Variants in MAP4K3 observed in about 807,000 individuals in gnomAD.
The protein encoded by MAP4K3 is mitogen-activated protein kinase kinase kinase kinase 3.
Under a neutral mutation model 143.5 loss-of-function variants are expected in MAP4K3, and 94 were observed. The ratio of observed to expected loss-of-function variants is 0.65; its 90% CI spans 0.55 to 0.78. MAP4K3 has a LOEUF of 0.78. Ranked by LOEUF, MAP4K3 falls within the 30% of genes least tolerant of loss-of-function variation. The pLI, the probability that MAP4K3 is intolerant of heterozygous loss-of-function variation, is 0.00. For missense variants in MAP4K3, 1,077 were observed against 1,068.1 expected, an observed-to-expected ratio of 1.01 and a Z score of -0.12; for synonymous variants, 416 against 347.2, an observed-to-expected ratio of 1.20 and a Z score of -2.20.
chr2:39,432,822 T>G (rs1044281180), intron 1 of MAP4K3, among the ~76,000 whole-genome samples: 1 of 152,190 alleles, frequency 6.6e-6, no homozygotes, highest in African/African-American at 2.4e-5. Context: ...ACTTTAAATC[T>G]ATTTACACAG....
At chr2:39,330,586 C>A (rs1354893992) in intron 8 of MAP4K3, among the ~76,000 whole-genome samples, 1 of 152,052 alleles carries the variant, frequency 6.6e-6, no homozygotes, top group Non-Finnish European at 1.5e-5. Flanking sequence ...ATTCAACAGT[C>A]CAGGCTGGAA....
rs1243769402 is a variant in MAP4K3, at chr2:39,258,272, C to G, written c.2470+76G>C. 3.0e-6 allele frequency: 3 copies of G among 985,408 alleles called. No individual in the cohort carries two copies. The East Asian group carries it at 7.8e-5, about 26-fold the overall frequency. 61.0% of individuals were successfully genotyped at this position (985,408 alleles called of 1,614,324 possible). ...AAAAAAGAATCTTAATAATATCAAT[C>G]TTTAATTTTGGATAATTAGCAGATA... is the stretch of plus-strand genomic sequence containing the variant. On this transcript the variant is annotated intron_variant, in intron 31 of 33. Coordinates refer to ENST00000263881, the MANE Select transcript of MAP4K3 (RefSeq NM_003618.4).
chr2:39,337,423 C>A, intron 5 of MAP4K3, 103 bp downstream of exon 5: 1 of 746,080 alleles, frequency 1.3e-6, no homozygotes, highest in Non-Finnish European at 2.2e-6. Context: ...AAGAGTTTAC[C>A]AAACTAAAAT....
chr2:39,366,130 G>T (rs1220635477), intron 2 of MAP4K3, among the ~76,000 whole-genome samples: 1 of 152,126 alleles, frequency 6.6e-6, no homozygotes, highest in Non-Finnish European at 1.5e-5. Context: ...AGAGTCCTCA[G>T]GAGACCTGAG....
intron 22 of MAP4K3, 86 bp from the exon 23 acceptor site, chr2:39,280,442 T>G (rs1335119771): frequency 1.3e-5 from 9 of 673,722 alleles, no homozygotes; most frequent in Non-Finnish European, 2.5e-6. Context: ...TATTTTAATG[T>G]GAGAGTCTAT....
At chr2:39,280,553 T>G (rs1681472415) in intron 22 of MAP4K3, among the ~76,000 whole-genome samples, 197 bp from the exon 23 acceptor site, 1 of 151,876 alleles carries the variant, frequency 6.6e-6, no homozygotes, top group Non-Finnish European at 1.5e-5. Flanking sequence ...AGTTTCCAGG[T>G]GCCACAATAA....
chr2:39,278,450 T>TA lies in MAP4K3; in HGVS notation c.1750dup (p.Tyr584LeufsTer6). 1 of 1,600,640 alleles carries TA rather than the reference T, an allele frequency of 6.2e-7. No homozygotes were observed. Among genetic ancestry groups the TA allele is most frequent in the Non-Finnish European group, 8.5e-7 (1 of 1,172,604 alleles). Reference sequence around the variant, plus strand: ...ATGAAGTTCATTAAGATTGAGGGTATAAATCCCTTCTTCGGCACCAAATAT... The same window carrying TA: ...ATGAAGTTCATTAAGATTGAGGGTATAAAATCCCTTCTTCGGCACCAAATAT... On this transcript the variant is annotated frameshift_variant, in exon 24 of 34. Transcript: ENST00000263881. LOFTEE classifies it high-confidence loss of function.
At chr2:39,312,233 T>C (rs71439249) in intron 13 of MAP4K3, among the ~76,000 whole-genome samples, 2 of 152,182 alleles carry the variant, frequency 1.3e-5, no homozygotes, top group Non-Finnish European at 2.9e-5. Context: ...TTCTAATGTA[T>C]TGAATGTTTC....
intron 2 of MAP4K3, among the ~76,000 whole-genome samples, chr2:39,375,584 T>C (rs1666196510): frequency 6.6e-6 from 1 of 152,232 alleles, no homozygotes; most frequent in African/African-American, 2.4e-5. Flanking sequence ...ACTGTAATGT[T>C]GTTAATGGTT....
chr2:39,336,891 G>C (rs1664985344), intron 6 of MAP4K3, 29 bp downstream of exon 6: 1 of 958,562 alleles, frequency 1.0e-6, no homozygotes, highest in Non-Finnish European at 1.5e-6. Flanking sequence ...ATGAAGAGAG[G>C]GTTATTATGT....
rs145395126 is a variant in MAP4K3 at position 39,317,191 on chromosome 2, G to A, written c.919-1803C>T. 1.8e-3 allele frequency among the ~76,000 whole-genome samples: 268 copies of A among 152,240 alleles called. 1 individual carries two copies. The highest frequency in any genetic ancestry group is 6.3e-3 in the African/African-American group (262 of 41,560). On this transcript the variant is annotated intron_variant, in intron 12 of 33. Coordinates refer to ENST00000263881, the MANE Select transcript of MAP4K3 (RefSeq NM_003618.4). ...ACGCCCCATTCAATAAATGGTGCTA[G>A]GATAACTGGTTAGCCATATACAGAA...
At chr2:39,378,216 A>C in intron 1 of MAP4K3, 93 bp from the exon 2 acceptor site, 2 of 639,864 alleles carry the variant, frequency 3.1e-6, no homozygotes, top group Non-Finnish European at 5.5e-6. Flanking sequence ...CAGTTATATA[A>C]AAATATTTTA....
intron 2 of MAP4K3, among the ~76,000 whole-genome samples, chr2:39,357,309 A>T (rs750145920): frequency 4.6e-5 from 7 of 152,246 alleles, no homozygotes; most frequent in Non-Finnish European, 1.0e-4. Flanking sequence ...TGTATTACTA[A>T]TTCAGCTTTT....
chr2:39,264,820 G>C (rs150088391), intron 28 of MAP4K3, among the ~76,000 whole-genome samples: 1 of 152,294 alleles, frequency 6.6e-6, no homozygotes, highest in Admixed American at 6.5e-5. Context: ...TTGTTTCCCT[G>C]TCATTATGGT....
intron 12 of MAP4K3, among the ~76,000 whole-genome samples, chr2:39,320,736 C>T (rs1683273363): frequency 6.6e-6 from 1 of 152,176 alleles, no homozygotes; most frequent in South Asian, 2.1e-4. Context: ...CATACTCACA[C>T]TAAGGTCTCT....
intron 1 of MAP4K3, among the ~76,000 whole-genome samples, chr2:39,394,892 A>G (rs1394313145): frequency 1.3e-5 from 2 of 152,170 alleles, no homozygotes; most frequent in African/African-American, 4.8e-5. Flanking sequence ...TGGCCTGGAA[A>G]GGGGCTTTCC....
At chr2:39,363,992 TA>T (rs70957104) in intron 2 of MAP4K3, among the ~76,000 whole-genome samples, 9,812 of 129,040 alleles carry the variant, frequency 0.076, 448 homozygotes, top group South Asian at 0.19. Flanking sequence ...ATAGCCATTA[TA>T]AAAAAAAAAA....
intron 1 of MAP4K3, among the ~76,000 whole-genome samples, chr2:39,408,578 A>G (rs1667155725): frequency 6.7e-6 from 1 of 150,090 alleles, no homozygotes; most frequent in Non-Finnish European, 1.5e-5. Context: ...GATGTTGCAC[A>G]TGACTTCACA....
intron 2 of MAP4K3, among the ~76,000 whole-genome samples, chr2:39,371,023 T>C (rs1666066814): frequency 6.6e-6 from 1 of 152,198 alleles, no homozygotes; most frequent in Non-Finnish European, 1.5e-5. Context: ...TTTTTAATTT[T>C]TTTTTCCCAA....
Sources: gnomAD v4.1 joint callset for allele counts (sites outside exome capture counted in the v4.1 genomes callset) on GRCh38, gnomAD v4.1.1 for gene constraint, MANE v1.5 for transcripts, NCBI Gene and HGNC (gene_info 2026-07-23, HGNC 2026-07-21) for gene names.